The following PARD3B variants were observed in gnomAD, a reference collection of about 807,000 sequenced individuals.
The protein encoded by PARD3B is par-3 family cell polarity regulator beta.
A neutral mutation model predicts 130.2 loss-of-function variants in PARD3B; 103 were observed. That is an observed-to-expected ratio of 0.79 (90% CI 0.67 to 0.93). PARD3B has a LOEUF of 0.93. PARD3B is among the 40% of genes least tolerant of loss of function. The pLI is 0.00. For missense variants in PARD3B, 1,609 were observed against 1,499.2 expected (o/e 1.07, Z -1.21); for synonymous variants, 583 against 553.2 (o/e 1.05, Z -0.76).
chr2:204,721,395 C>T (rs557748725), intron 2 of PARD3B, among the ~76,000 whole-genome samples: 5 of 152,176 alleles, frequency 3.3e-5, no homozygotes, highest in African/African-American at 4.8e-5. Context: ...AAGGGCCAGT[C>T]GTTTCAGAGG....
chr2:205,360,648 G>A (rs1286236580), intron 18 of PARD3B, among the ~76,000 whole-genome samples: 1 of 152,136 alleles, frequency 6.6e-6, no homozygotes, highest in Non-Finnish European at 1.5e-5. Flanking sequence ...AGTGCCCTGG[G>A]GTTGGGGCAT....
intron 2 of PARD3B, among the ~76,000 whole-genome samples, chr2:204,865,161 A>G (rs1477356969): frequency 6.6e-6 from 1 of 152,220 alleles, no homozygotes; most frequent in Non-Finnish European, 1.5e-5. Flanking sequence ...GAACACTTTT[A>G]CACTGTTGGG....
At chr2:205,608,989 C>G (rs1478109211) in intron 22 of PARD3B, among the ~76,000 whole-genome samples, 1 of 152,174 alleles carries the variant, frequency 6.6e-6, no homozygotes, top group Non-Finnish European at 1.5e-5. Flanking sequence ...AGAACAAGAC[C>G]CCCCTCTTCT....
intron 1 of PARD3B, among the ~76,000 whole-genome samples, chr2:204,579,956 T>A (rs1559167073): frequency 2.0e-5 from 3 of 152,264 alleles, no homozygotes; most frequent in Admixed American, 1.3e-4. Flanking sequence ...CAGTTGTGTT[T>A]CCTTGAATGA....
At chr2:205,438,705 G>GC (rs71032471) in intron 19 of PARD3B, among the ~76,000 whole-genome samples, 152,304 of 152,306 alleles carry the variant, frequency 1, 76,151 homozygotes, top group Non-Finnish European at 1. Context: ...AATAGGCAAG[G>GC]CCCTTAACGG....
intron 1 of PARD3B, among the ~76,000 whole-genome samples, chr2:204,599,069 A>G (rs1396276017): frequency 4.0e-5 from 6 of 151,718 alleles, no homozygotes; most frequent in Non-Finnish European, 7.4e-5. Flanking sequence ...AAAAAAAAAG[A>G]CATTGTTTTT....
intron 1 of PARD3B, among the ~76,000 whole-genome samples, chr2:204,615,314 A>G (rs933769811): frequency 2.6e-5 from 4 of 152,144 alleles, no homozygotes; most frequent in African/African-American, 7.2e-5. Context: ...TGCTTTTCCT[A>G]TTCTGTCACA....
chr2:205,583,479 T>C (rs1417749122), intron 22 of PARD3B, among the ~76,000 whole-genome samples: 1 of 152,050 alleles, frequency 6.6e-6, no homozygotes, highest in Non-Finnish European at 1.5e-5. Context: ...GACATCATGA[T>C]GGTGGTGGTG....
chr2:204,697,142 T>C (rs1307067893), intron 2 of PARD3B, among the ~76,000 whole-genome samples: 1 of 152,114 alleles, frequency 6.6e-6, no homozygotes, highest in Non-Finnish European at 1.5e-5. Context: ...AGAAGTTGAT[T>C]TTCTAGACTG....
intron 1 of PARD3B, among the ~76,000 whole-genome samples, chr2:204,620,695 CTG>C (rs2034267598): frequency 6.6e-6 from 1 of 152,166 alleles, no homozygotes; most frequent in Non-Finnish European, 1.5e-5. Context: ...AGGGCACTAA[CTG>C]TATACGTAGT....
chr2:204,771,522 G>C (rs1467540446), intron 2 of PARD3B, among the ~76,000 whole-genome samples: 1 of 152,042 alleles, frequency 6.6e-6, no homozygotes, highest in African/African-American at 2.4e-5. Context: ...GGAGTACTAG[G>C]GCAGGGAAGG....
At chr2:205,506,948 G>A (rs1007666681) in intron 21 of PARD3B, among the ~76,000 whole-genome samples, 13 of 152,148 alleles carry the variant, frequency 8.5e-5, no homozygotes, top group Non-Finnish European at 1.8e-4. Flanking sequence ...CAGGCCATTA[G>A]GAGTCTCTTT....
intron 18 of PARD3B, among the ~76,000 whole-genome samples, chr2:205,396,657 A>G (rs1354523439): frequency 6.6e-6 from 1 of 152,224 alleles, no homozygotes. Context: ...GATTAAAGCC[A>G]TATGTTTGCA....
intron 2 of PARD3B, among the ~76,000 whole-genome samples, chr2:204,833,373 C>A (rs777547139): frequency 6.6e-6 from 1 of 152,092 alleles, no homozygotes; most frequent in Non-Finnish European, 1.5e-5. Flanking sequence ...AGAGCCAGAA[C>A]TCCCTGTAAA....
At chr2:205,014,226 A>G (rs1415027138) in intron 3 of PARD3B, among the ~76,000 whole-genome samples, 3 of 152,220 alleles carry the variant, frequency 2.0e-5, no homozygotes, top group Non-Finnish European at 2.9e-5. Flanking sequence ...GTCCTTTTCA[A>G]GTAAGTCAGT....
In PARD3B at chr2:205,112,385, C is replaced by T. The variant is rs117463165; in HGVS notation, c.594-1106C>T. On this transcript the variant is annotated intron_variant, in intron 5 of 22. Transcript: ENST00000406610. ...ATTGCTGATAATTTAGAGAATACTT[C>T]GTGCAGAGTGAATTCATCATGCATT... 3.0e-4 allele frequency among the ~76,000 whole-genome samples: 46 copies of T among 152,150 alleles called. No homozygotes were observed. The East Asian group carries it at 7.1e-3, about 24-fold the overall frequency.
In PARD3B at chr2:205,584,929, C is replaced by T. The variant is rs141725444; in HGVS notation, c.3261-30527C>T. 8.5e-5 allele frequency among the ~76,000 whole-genome samples: 13 copies of T among 152,270 alleles called. No individual in the cohort carries two copies. The highest frequency in any genetic ancestry group is 2.6e-4 in the African/African-American group (11 of 41,558). ...CTGGATTTCTGGATAATTGCACCCA[C>T]AAGTGGCTACATGCAGACACAATTA... On this transcript the variant is annotated intron_variant, in intron 22 of 22. Transcript: ENST00000406610. The surrounding 1 kb of genome is among the most constrained non-coding windows in gnomAD (Gnocchi z 5.5).
chr2:204,724,907 A>G (rs571530800), intron 2 of PARD3B, among the ~76,000 whole-genome samples: 6 of 152,154 alleles, frequency 3.9e-5, no homozygotes, highest in East Asian at 1.9e-4. Flanking sequence ...AGTGATAGAG[A>G]ACTAGAACTG....
chr2:205,382,905 A>C (rs2045503976), intron 18 of PARD3B, among the ~76,000 whole-genome samples: 1 of 151,850 alleles, frequency 6.6e-6, no homozygotes, highest in Admixed American at 6.6e-5. Flanking sequence ...ATTTTTTGGC[A>C]CCGTGAAATG....
Sources: allele counts gnomAD v4.1 joint callset (sites outside exome capture counted in the v4.1 genomes callset), GRCh38; gene constraint gnomAD v4.1.1; non-coding constraint Gnocchi (gnomAD v3.1); transcripts MANE v1.5; gene names NCBI Gene and HGNC (gene_info 2026-07-23, HGNC 2026-07-21).